Variants in FUT8 observed in about 807,000 individuals in gnomAD.
FUT8 encodes the protein fucosyltransferase 8.
A neutral mutation model predicts 71.3 loss-of-function variants in FUT8; 29 were observed. The observed-to-expected ratio is 0.41, with a 90% CI of 0.30 to 0.55. The LOEUF (loss-of-function observed/expected upper bound fraction) is 0.55. FUT8 is among the 20% of genes least tolerant of loss of function. The probability of loss-of-function intolerance (pLI) is 0.34; values close to 1 mark genes in which losing one functional copy is unlikely to be tolerated. For synonymous variants in FUT8, 254 were observed against 239.3 expected (o/e 1.06, Z -0.57); for missense variants, 544 against 702.1 (o/e 0.77, Z 2.55).
chr14:65,540,725 T>G (rs1010126112), intron 2 of FUT8, among the ~76,000 whole-genome samples: 1 of 152,210 alleles, frequency 6.6e-6, no homozygotes, highest in Non-Finnish European at 1.5e-5. Context: ...ACTGTTGAGA[T>G]GGAATGGTTT....
intron 2 of FUT8, among the ~76,000 whole-genome samples, chr14:65,529,905 G>C (rs146827784): frequency 1.2e-4 from 19 of 152,166 alleles, no homozygotes; most frequent in Non-Finnish European, 2.4e-4. Context: ...GATTCATTGA[G>C]GACTCTGTCT....
intron 6 of FUT8, among the ~76,000 whole-genome samples, chr14:65,635,916 A>G (rs1460666213): frequency 2.7e-5 from 4 of 150,922 alleles, no homozygotes; most frequent in Non-Finnish European, 2.9e-5. Context: ...ATTGGTACCA[A>G]TTCTTCCTTT....
At position 65,508,491 on chromosome 14, in the gene FUT8, G is replaced by GGT. The variant is rs1555366315; in HGVS notation, c.-228+52773_-228+52774insGT. Among the ~76,000 whole-genome samples, 327 of 46,506 alleles carry GGT rather than the reference G, an allele frequency of 7.0e-3. 7 individuals carry two copies. The highest frequency in any genetic ancestry group is 0.027 in the African/African-American group (314 of 11,844). The allele number at this position is 46,506 out of a possible 152,430, so 30.5% of individuals were successfully genotyped here. On this transcript the variant is annotated intron_variant, in intron 2 of 10. Transcript: ENST00000673929. The stretch of plus-strand genomic sequence containing the variant: ...AATTTTTTCCTGTAGAGTTGTTTGA[G>GGT]TTTTTTTTTTTTTTTTTTTTTTTTT...
chr14:65,679,319 G>A (rs2082036147), intron 7 of FUT8, among the ~76,000 whole-genome samples: 2 of 152,064 alleles, frequency 1.3e-5, no homozygotes, highest in Non-Finnish European at 2.9e-5. Context: ...CCAACCATGG[G>A]GCCACCCAAA....
chr14:65,694,804 AAC>A (rs1000657901), intron 7 of FUT8, among the ~76,000 whole-genome samples: 2 of 149,958 alleles, frequency 1.3e-5, no homozygotes, highest in African/African-American at 4.9e-5. Flanking sequence ...CAAAAAACCA[AAC>A]ACCGCATATT....
At chr14:65,430,511 G>C (rs891631414) in intron 1 of FUT8, among the ~76,000 whole-genome samples, 1 of 152,042 alleles carries the variant, frequency 6.6e-6, no homozygotes, top group African/African-American at 2.4e-5. Context: ...ATATTTTCCT[G>C]GGGAATTTTT....
chr14:65,426,233 C>G (rs1394513573), intron 1 of FUT8, among the ~76,000 whole-genome samples: 3 of 151,952 alleles, frequency 2.0e-5, no homozygotes, highest in African/African-American at 7.3e-5. Flanking sequence ...TTCTGCCAGT[C>G]CTATTTTACT....
chr14:65,692,780 A>C (rs1893742475), intron 7 of FUT8, among the ~76,000 whole-genome samples: 1 of 145,644 alleles, frequency 6.9e-6, no homozygotes, highest in African/African-American at 2.6e-5. Context: ...GGGTCTCCTC[A>C]CTTCTCAGAG....
At chr14:65,591,663 G>A (rs1332140395) in intron 3 of FUT8, among the ~76,000 whole-genome samples, 1 of 152,094 alleles carries the variant, frequency 6.6e-6, no homozygotes, top group Admixed American at 6.5e-5. Flanking sequence ...ATGAGGGGAA[G>A]CTGAGGAGGA....
At chr14:65,458,398 G>A (rs1024994104) in intron 2 of FUT8, among the ~76,000 whole-genome samples, 2 of 134,880 alleles carry the variant, frequency 1.5e-5, no homozygotes, top group African/African-American at 5.7e-5. Flanking sequence ...GCATGGAAAA[G>A]TCAGTTTAAA....
At chr14:65,440,731 C>G (rs1456839475) in intron 1 of FUT8, among the ~76,000 whole-genome samples, 1 of 151,654 alleles carries the variant, frequency 6.6e-6, no homozygotes, top group Non-Finnish European at 1.5e-5. Flanking sequence ...TTTTTAAACT[C>G]TTAAATTTGA....
At chr14:65,715,671 T>C (rs544799867) in intron 7 of FUT8, among the ~76,000 whole-genome samples, 63 of 152,360 alleles carry the variant, frequency 4.1e-4, no homozygotes, top group African/African-American at 1.5e-3. Context: ...TGATCGTTTG[T>C]TTCAAGAAAT....
At chr14:65,422,981 TTTC>T (rs1320616741) in intron 1 of FUT8, among the ~76,000 whole-genome samples, 1 of 146,796 alleles carries the variant, frequency 6.8e-6, no homozygotes, top group Non-Finnish European at 1.5e-5. Context: ...TCTTTCTTTC[TTTC>T]TTTTTTTTTT....
rs1012141305 is a variant in FUT8, at chr14:65,743,077, A to G, written c.*667A>G. 2.0e-5 allele frequency: 3 copies of G among 152,264 alleles called. No individual in the cohort carries two copies. Among genetic ancestry groups the G allele is most frequent in the African/African-American group, 7.2e-5 (3 of 41,386 alleles). 9.4% of individuals were successfully genotyped at this position (152,264 alleles called of 1,614,324 possible). On this transcript the variant is annotated 3_prime_UTR_variant, in exon 11 of 11. Coordinates refer to ENST00000673929, the MANE Select transcript of FUT8 (RefSeq NM_001371533.1). ...ATTTTGTAAAACAATGCCATGAACAAATTCTTTAGTACTCAATGTTTCTGG... is the reference window on the plus strand; with the variant it reads ...ATTTTGTAAAACAATGCCATGAACAGATTCTTTAGTACTCAATGTTTCTGG...
At chr14:65,516,291 C>G (rs1199144461) in intron 2 of FUT8, 1 of 152,084 alleles carries the variant, frequency 6.6e-6, no homozygotes, top group Non-Finnish European at 1.5e-5. Context: ...CCTTTGCATG[C>G]ATAGTCCTTA....
chr14:65,740,094 A>G (rs984879288), intron 10 of FUT8, among the ~76,000 whole-genome samples: 1 of 152,010 alleles, frequency 6.6e-6, no homozygotes, highest in African/African-American at 2.4e-5. Flanking sequence ...GCTGAATTTG[A>G]AATTCAAAAG....
chr14:65,581,209 A>G (rs1219159823), intron 3 of FUT8, among the ~76,000 whole-genome samples: 4 of 152,086 alleles, frequency 2.6e-5, no homozygotes, highest in Admixed American at 2.0e-4. Context: ...AGTAGTCTGT[A>G]TTTTAACAAG....
intron 9 of FUT8, among the ~76,000 whole-genome samples, chr14:65,726,389 A>G (rs892899203): frequency 6.6e-6 from 1 of 152,346 alleles, no homozygotes; most frequent in South Asian, 2.1e-4. Flanking sequence ...TACAAAAGTA[A>G]GAGGTTTAAT....
intron 7 of FUT8, among the ~76,000 whole-genome samples, chr14:65,713,787 T>C (rs1253464966): frequency 6.6e-6 from 1 of 152,204 alleles, no homozygotes; most frequent in Non-Finnish European, 1.5e-5. Context: ...TTATCTCTTG[T>C]CACATGGGTA....
Sources: gnomAD v4.1 joint callset for allele counts (sites outside exome capture counted in the v4.1 genomes callset) on GRCh38, gnomAD v4.1.1 for gene constraint, MANE v1.5 for transcripts, NCBI Gene and HGNC (gene_info 2026-07-23, HGNC 2026-07-21) for gene names.